INTU: variants seen among roughly 807,000 people sequenced by gnomAD.
The protein encoded by INTU is inturned planar cell polarity protein, also known as protein inturned.
INTU carries 68 observed loss-of-function variants against 100.5 expected under a neutral mutation model. The observed-to-expected ratio is 0.68, with a 90% CI of 0.56 to 0.83. The LOEUF is 0.83. Among genes scored for constraint, INTU ranks in the 40% least tolerant of loss-of-function variants. INTU has a pLI of 0.00. For missense variants in INTU, 1,071 were observed against 1,114.7 expected (o/e 0.96, Z 0.56); for synonymous variants, 357 against 395.7 (o/e 0.90, Z 1.16).
intron 13 of INTU, 72 bp downstream of exon 13, chr4:127,708,740 A>T: frequency 1.4e-6 from 1 of 723,134 alleles, no homozygotes; most frequent in Non-Finnish European, 2.3e-6. Flanking sequence ...ATTTTATAAC[A>T]TGTATTTTAC....
At chr4:127,702,325 C>A (rs996113301) in intron 9 of INTU, among the ~76,000 whole-genome samples, 2 of 152,148 alleles carry the variant, frequency 1.3e-5, no homozygotes, top group Non-Finnish European at 2.9e-5. Flanking sequence ...CCATGTAATT[C>A]AACCAGTCTG....
intron 9 of INTU, 36 bp from the exon 10 acceptor site, chr4:127,704,192 T>C (rs1730772607): frequency 6.5e-7 from 1 of 1,541,896 alleles, no homozygotes; most frequent in South Asian, 1.2e-5. Flanking sequence ...CACAAAAAAA[T>C]AAAAATATAA....
intron 14 of INTU, among the ~76,000 whole-genome samples, chr4:127,713,223 T>G (rs1731153421): frequency 6.6e-6 from 1 of 152,042 alleles, no homozygotes; most frequent in South Asian, 2.1e-4. Flanking sequence ...CAGGGACCAG[T>G]TAGGAGGCTT....
intron 9 of INTU, among the ~76,000 whole-genome samples, chr4:127,703,497 T>C (rs1026752994): frequency 1.3e-4 from 20 of 152,308 alleles, no homozygotes; most frequent in East Asian, 1.2e-3. Context: ...CACATGTATA[T>C]AGTTGGTGGG....
chr4:127,708,943 A>G (rs1372640799), intron 13 of INTU, among the ~76,000 whole-genome samples: 2 of 152,190 alleles, frequency 1.3e-5, no homozygotes, highest in African/African-American at 4.8e-5. Flanking sequence ...TATATTTAAT[A>G]TAATTTTTAA....
chr4:127,684,268 C>A (rs932793401), intron 6 of INTU, 141 bp from the exon 7 acceptor site: 29 of 553,050 alleles, frequency 5.2e-5, no homozygotes, highest in Non-Finnish European at 7.9e-5. Flanking sequence ...TTGAAAGCGA[C>A]CATTTTGTAC....
chr4:127,663,680 A>G, intron 4 of INTU, 96 bp downstream of exon 4: 1 of 892,240 alleles, frequency 1.1e-6, no homozygotes, highest in Non-Finnish European at 1.7e-6. Context: ...AATAGTGAGT[A>G]TATTTGATTT....
chr4:127,665,644 G>A (rs764481025), intron 4 of INTU, among the ~76,000 whole-genome samples: 16 of 152,154 alleles, frequency 1.1e-4, no homozygotes, highest in Non-Finnish European at 1.9e-4. Flanking sequence ...TCCTGGTCAT[G>A]TGGCTCAGTG....
In INTU at chr4:127,672,912, T is replaced by C. The variant is rs185673600; in HGVS notation, c.1092-1212T>C. Reference sequence around the variant, plus strand: ...TTCACTGAAGTATAATGAAGTAAACTGAACATATGTAAAATGTACAATTTG... The same window carrying C: ...TTCACTGAAGTATAATGAAGTAAACCGAACATATGTAAAATGTACAATTTG... On this transcript the variant is annotated intron_variant, in intron 5 of 15. Coordinates refer to ENST00000335251, the MANE Select transcript of INTU (RefSeq NM_015693.4). Among the ~76,000 whole-genome samples, 133 of 152,364 alleles carry C rather than the reference T, an allele frequency of 8.7e-4. 1 individual carries two copies. Among genetic ancestry groups the C allele is most frequent in the Non-Finnish European group, 3.2e-4 (22 of 68,042 alleles).
Position 127,710,894 on chromosome 4 carries a change from G to A in INTU, c.2370-19G>A, listed in dbSNP as rs762197218. The A allele has an allele frequency of 7.1e-7, 1 of 1,403,418 alleles. No individual in the cohort carries two copies. The highest frequency in any genetic ancestry group is 1.9e-5 in the South Asian group (1 of 52,288). The allele number at this position is 1,403,418 out of a possible 1,614,324, so 86.9% of individuals were successfully genotyped here. A position where few individuals can be genotyped will look rare whatever the true frequency, so the allele number is the denominator to read the frequency against. ...CTAAAATTTCTTTTTTCTTCTCTTTGATTTTTTTTCTTTTTAAGACTGACA... is the reference window on the plus strand; with the variant it reads ...CTAAAATTTCTTTTTTCTTCTCTTTAATTTTTTTTCTTTTTAAGACTGACA... On this transcript the variant is annotated intron_variant, in intron 13 of 15. Transcript: ENST00000335251.
rs1469970326 is a variant in INTU at position 127,678,936 on chromosome 4, A to G, written c.1181+4723A>G. Among the ~76,000 whole-genome samples the G allele has an allele frequency of 2.6e-5, 4 of 152,152 alleles. No individual in the cohort carries two copies. The East Asian group carries it at 7.7e-4, about 29-fold the overall frequency. ...ACCAAGCAAATGGAAAACAAAAAAA[A>G]GGCAGGGGTTGCAATCCTAGTCTCT... On this transcript the variant is annotated intron_variant, in intron 6 of 15. Coordinates refer to ENST00000335251, the MANE Select transcript of INTU (RefSeq NM_015693.4).
intron 10 of INTU, 102 bp downstream of exon 10, chr4:127,704,392 C>G: frequency 2.3e-6 from 2 of 877,906 alleles, no homozygotes; most frequent in Non-Finnish European, 3.6e-6. Context: ...TCTTTTCTTT[C>G]AAATGTAGGT....
At chr4:127,697,461 C>A (rs1335043383) in intron 8 of INTU, among the ~76,000 whole-genome samples, 1 of 141,802 alleles carries the variant, frequency 7.1e-6, no homozygotes, top group Non-Finnish European at 1.5e-5. Flanking sequence ...TACCCTCTCC[C>A]CTAACTACCC....
At chr4:127,655,284 AG>A (rs1381500996) in intron 2 of INTU, among the ~76,000 whole-genome samples, 7 of 152,136 alleles carry the variant, frequency 4.6e-5, no homozygotes, top group Non-Finnish European at 1.0e-4. Context: ...GTTCCGTTGG[AG>A]GAGGAGAGGT....
intron 6 of INTU, among the ~76,000 whole-genome samples, chr4:127,674,748 A>T (rs1279598350): frequency 6.6e-6 from 1 of 152,176 alleles, no homozygotes; most frequent in Non-Finnish European, 1.5e-5. Context: ...TAAAAGCAGG[A>T]TTGACATTAT....
intron 5 of INTU, among the ~76,000 whole-genome samples, 167 bp from the exon 6 acceptor site, chr4:127,673,957 T>C (rs1441704211): frequency 6.6e-6 from 1 of 151,974 alleles, no homozygotes; most frequent in Non-Finnish European, 1.5e-5. Flanking sequence ...ATATTTTTGC[T>C]GTCATATAAT....
At chr4:127,647,801 C>T (rs1179903064) in intron 2 of INTU, among the ~76,000 whole-genome samples, 1 of 152,006 alleles carries the variant, frequency 6.6e-6, no homozygotes, top group African/African-American at 2.4e-5. Flanking sequence ...ATATATCCTC[C>T]CTTTTCCTAC....
At chr4:127,669,242 CA>C in intron 5 of INTU, 88 bp downstream of exon 5, 1 of 615,470 alleles carries the variant, frequency 1.6e-6, no homozygotes, top group East Asian at 2.7e-5. Context: ...ATCTGGTATA[CA>C]AATATACTTG....
In INTU at chr4:127,707,386, C is replaced by G. The variant is rs112191660; in HGVS notation, c.2271+417C>G. Among the ~76,000 whole-genome samples, 99 of 80,340 alleles carry G rather than the reference C, an allele frequency of 1.2e-3. 1 individual carries two copies. The highest frequency in any genetic ancestry group is 4.9e-3 in the African/African-American group (93 of 18,940). 52.7% of individuals were successfully genotyped at this position (80,340 alleles called of 152,430 possible). On this transcript the variant is annotated intron_variant, in intron 12 of 15. Coordinates refer to ENST00000335251, the MANE Select transcript of INTU (RefSeq NM_015693.4). The stretch of plus-strand genomic sequence containing the variant: ...CCAGCCTGGGTGACAGAGTGAGACT[C>G]TGTCTCAAAAAAAAAAAAAAAAAAA...
Sources: allele counts gnomAD v4.1 joint callset (sites outside exome capture counted in the v4.1 genomes callset), GRCh38; gene constraint gnomAD v4.1.1; transcripts MANE v1.5; gene names NCBI Gene and HGNC (gene_info 2026-07-23, HGNC 2026-07-21).